Variants in NEK10 observed in about 807,000 individuals in gnomAD.
The protein encoded by NEK10 is serine/threonine-protein kinase Nek10.
NEK10 carries 122 observed loss-of-function variants against 159.8 expected under a neutral mutation model. The observed-to-expected ratio is 0.76, with a 90% CI of 0.66 to 0.89. The LOEUF is 0.89. NEK10 is among the 40% of genes least tolerant of loss of function. NEK10 has a pLI of 0.00. For missense variants in NEK10, 1,342 were observed against 1,323.1 expected (o/e 1.01, Z -0.22); for synonymous variants, 466 against 457.1 (o/e 1.02, Z -0.25).
chr3:27,196,677 C>T (rs746877249), intron 25 of NEK10, among the ~76,000 whole-genome samples: 5 of 152,122 alleles, frequency 3.3e-5, no homozygotes, highest in African/African-American at 1.2e-4. Context: ...GTCTATTTGC[C>T]CAGATTCACA....
At position 27,174,885 on chromosome 3, in the gene NEK10, A is replaced by G. The variant is rs574728870; in HGVS notation, c.2506-52T>C. On this transcript the variant is annotated intron_variant, in intron 26 of 35. Coordinates refer to ENST00000691995, the MANE Select transcript of NEK10 (RefSeq NM_001394966.1). ...AGCCTCTTTCTCTATCCTTCCTTCTATAGGACCTAAATCTTGTTAGAACAT... is the reference window on the plus strand; with the variant it reads ...AGCCTCTTTCTCTATCCTTCCTTCTGTAGGACCTAAATCTTGTTAGAACAT... 9 of 1,430,710 alleles carry G rather than the reference A, an allele frequency of 6.3e-6. No homozygotes were observed. In the East Asian group the frequency reaches 6.9e-5, roughly 11 times the overall value. The allele number at this position is 1,430,710 out of a possible 1,614,324, so 88.6% of individuals were successfully genotyped here.
At chr3:27,264,302 A>G (rs915939734) in intron 22 of NEK10, among the ~76,000 whole-genome samples, 2 of 152,226 alleles carry the variant, frequency 1.3e-5, no homozygotes, top group Non-Finnish European at 2.9e-5. Context: ...TAAAGCCAAC[A>G]TTACATCATT....
chr3:27,312,182 A>G lies in NEK10; in HGVS notation c.490-5T>C, dbSNP rs184122738. On this transcript the variant is annotated splice_region_variant and splice_polypyrimidine_tract_variant and intron_variant, in intron 7 of 35. Coordinates refer to ENST00000691995, the MANE Select transcript of NEK10 (RefSeq NM_001394966.1). ...ATTGGCTACAATCTCCATATACTGCATGAAGGACCAAACCAACAAGCCAGT... is the reference window on the plus strand; with the variant it reads ...ATTGGCTACAATCTCCATATACTGCGTGAAGGACCAAACCAACAAGCCAGT... 126 of 1,583,352 alleles carry G rather than the reference A, an allele frequency of 8.0e-5. No individual in the cohort carries two copies. In the African/African-American group the frequency reaches 1.6e-3, roughly 20 times the overall value.
intron 5 of NEK10, among the ~76,000 whole-genome samples, chr3:27,333,642 C>T (rs2046586618): frequency 6.6e-6 from 1 of 152,112 alleles, no homozygotes; most frequent in Non-Finnish European, 1.5e-5. Context: ...GCATGAGCTG[C>T]TGCCCTCAGG....
At chr3:27,117,628 T>C (rs1244251448) in intron 33 of NEK10, among the ~76,000 whole-genome samples, 3 of 152,230 alleles carry the variant, frequency 2.0e-5, no homozygotes, top group Non-Finnish European at 4.4e-5. Context: ...AATGTCTTCA[T>C]TTGAGTAGCA....
chr3:27,139,504 C>T (rs181575743), intron 31 of NEK10, among the ~76,000 whole-genome samples: 1 of 152,264 alleles, frequency 6.6e-6, no homozygotes. Flanking sequence ...TTTGCTATTA[C>T]ATTTCAGCAG....
chr3:27,239,477 G>T (rs1954311947), intron 23 of NEK10, among the ~76,000 whole-genome samples: 2 of 152,068 alleles, frequency 1.3e-5, no homozygotes, highest in Admixed American at 6.5e-5. Flanking sequence ...AGGGGGAGGA[G>T]AATTTATAAT....
chr3:27,294,969 G>C (rs73147882), intron 15 of NEK10, among the ~76,000 whole-genome samples: 3,053 of 151,286 alleles, frequency 0.02, 106 homozygotes, highest in African/African-American at 0.071. Context: ...ACACACCCCA[G>C]TTCCACTGAG....
intron 32 of NEK10, among the ~76,000 whole-genome samples, chr3:27,120,830 C>T (rs1941204279): frequency 6.6e-6 from 1 of 152,066 alleles, no homozygotes; most frequent in Non-Finnish European, 1.5e-5. Flanking sequence ...CTCCTTTCAC[C>T]TTTAATTCCA....
At chr3:27,285,748 G>A (rs1385696766) in intron 20 of NEK10, among the ~76,000 whole-genome samples, 1 of 152,120 alleles carries the variant, frequency 6.6e-6, no homozygotes, top group Non-Finnish European at 1.5e-5. Flanking sequence ...AAATATGTGT[G>A]TAGAAAATGT....
At position 27,110,122 on chromosome 3, in the gene NEK10, A is replaced by G. The variant is rs1204992102; in HGVS notation, c.*1150T>C. 1 of 152,228 alleles carries G rather than the reference A, an allele frequency of 6.6e-6. No homozygotes were observed. The highest frequency in any genetic ancestry group is 1.5e-5 in the Non-Finnish European group (1 of 68,040). 9.4% of individuals were successfully genotyped at this position (152,228 alleles called of 1,614,324 possible). On this transcript the variant is annotated 3_prime_UTR_variant, in exon 36 of 36. Transcript: ENST00000691995. ...AAAGTATAATTTCAACTTTCAGATT[A>G]CTAATTATGTAGAATAAATTGCTCT...
chr3:27,323,878 G>T (rs185550726), intron 5 of NEK10, among the ~76,000 whole-genome samples: 1 of 152,266 alleles, frequency 6.6e-6, no homozygotes, highest in East Asian at 1.9e-4. Context: ...CAAATTCAGA[G>T]GTGGTCACAA....
chr3:27,325,952 G>A (rs1409454512), intron 5 of NEK10, among the ~76,000 whole-genome samples: 1 of 152,040 alleles, frequency 6.6e-6, no homozygotes, highest in African/African-American at 2.4e-5. Flanking sequence ...TTTGCCAAGG[G>A]GACAAAGCCC....
At chr3:27,328,026 G>T (rs557905825) in intron 5 of NEK10, among the ~76,000 whole-genome samples, 2 of 151,766 alleles carry the variant, frequency 1.3e-5, no homozygotes, top group South Asian at 4.2e-4. Flanking sequence ...TTCTTAACAG[G>T]TCTTTGTTCT....
At chr3:27,177,566 A>G (rs1213509802) in intron 26 of NEK10, among the ~76,000 whole-genome samples, 1 of 150,136 alleles carries the variant, frequency 6.7e-6, no homozygotes, top group Non-Finnish European at 1.5e-5. Context: ...ATATATATAT[A>G]TTTCTATAAC....
chr3:27,230,947 C>G (rs1276657079), intron 23 of NEK10, among the ~76,000 whole-genome samples: 1 of 151,800 alleles, frequency 6.6e-6, no homozygotes, highest in Non-Finnish European at 1.5e-5. Flanking sequence ...TCCCAATAGA[C>G]AGATCATCAA....
chr3:27,197,758 C>A (rs1949683081), intron 25 of NEK10, among the ~76,000 whole-genome samples: 1 of 151,268 alleles, frequency 6.6e-6, no homozygotes, highest in African/African-American at 2.4e-5. Context: ...GATGCCCTTT[C>A]TTTCCCTTGC....
At chr3:27,196,411 G>C (rs1193301691) in intron 25 of NEK10, among the ~76,000 whole-genome samples, 1 of 152,172 alleles carries the variant, frequency 6.6e-6, no homozygotes, top group East Asian at 1.9e-4. Context: ...CAGCATCTGA[G>C]GGGTTCTTGC....
At chr3:27,267,493 C>A (rs2040997455) in intron 22 of NEK10, among the ~76,000 whole-genome samples, 1 of 152,132 alleles carries the variant, frequency 6.6e-6, no homozygotes, top group Admixed American at 6.5e-5. Context: ...ATGTCTCTCA[C>A]ATTTTGGTAA....
Sources: allele counts gnomAD v4.1 joint callset (sites outside exome capture counted in the v4.1 genomes callset), GRCh38; gene constraint gnomAD v4.1.1; transcripts MANE v1.5; gene names NCBI Gene and HGNC (gene_info 2026-07-23, HGNC 2026-07-21).